Variants in SCHIP1 observed in about 807,000 individuals in gnomAD.
SCHIP1 encodes the protein schwannomin interacting protein 1.
A neutral mutation model predicts 29.7 loss-of-function variants in SCHIP1; 8 were observed. The observed-to-expected ratio is 0.27, with a 90% confidence interval of 0.16 to 0.49. The LOEUF is 0.49. Ranked by LOEUF, SCHIP1 falls within the 20% of genes least tolerant of loss-of-function variation. SCHIP1 has a pLI of 0.99. For synonymous variants in SCHIP1, 76 were observed against 94.9 expected (o/e 0.80, Z 1.16); for missense variants, 193 against 294.6 (o/e 0.66, Z 2.52).
At chr3:159,356,059 T>A in the SCHIP1 span, among the ~76,000 whole-genome samples, 129,127 of 152,012 alleles carry the variant, frequency 0.85, 55,474 homozygotes, top group African/African-American at 0.96. Context: ...CACCACACTG[T>A]CTTCCACAAT....
chr3:159,438,043 G>A, the SCHIP1 span, among the ~76,000 whole-genome samples: 5 of 152,114 alleles, frequency 3.3e-5, no homozygotes, highest in African/African-American at 1.2e-4. Context: ...TATATGTAAA[G>A]TGCTTATACA....
chr3:159,379,484 A>G, the SCHIP1 span, among the ~76,000 whole-genome samples: 1 of 152,172 alleles, frequency 6.6e-6, no homozygotes, highest in African/African-American at 2.4e-5. Context: ...TGGCCTCCCA[A>G]AGTGCTGGGA....
At chr3:159,745,846 T>G in the SCHIP1 span, among the ~76,000 whole-genome samples, 1 of 152,176 alleles carries the variant, frequency 6.6e-6, no homozygotes, top group East Asian at 1.9e-4. Flanking sequence ...TATTAGAGAG[T>G]AGATTTTGCC....
the SCHIP1 span, among the ~76,000 whole-genome samples, chr3:159,367,281 G>C: frequency 3.9e-5 from 6 of 151,948 alleles, no homozygotes; most frequent in African/African-American, 1.2e-4. Flanking sequence ...AATCCCAGCT[G>C]CTCGGGAGGC....
At chr3:159,540,065 T>C in the SCHIP1 span, among the ~76,000 whole-genome samples, 1 of 152,014 alleles carries the variant, frequency 6.6e-6, no homozygotes, top group Non-Finnish European at 1.5e-5. Context: ...TTTCTCCCAT[T>C]ACCTCTCCCT....
At chr3:159,299,202 A>G in the SCHIP1 span, among the ~76,000 whole-genome samples, 9 of 152,328 alleles carry the variant, frequency 5.9e-5, no homozygotes, top group East Asian at 3.9e-4. Context: ...GACTGAGTAT[A>G]TGGGTGTGTA....
At chr3:159,765,122 G>A in the SCHIP1 span, 12 of 1,566,778 alleles carry the variant, frequency 7.7e-6, no homozygotes, top group South Asian at 4.7e-5. Flanking sequence ...GGCCAGGCGA[G>A]GACCAACTCC....
chr3:159,704,417 T>TAAAAAAAAAAAAAAAAAAAAA, the SCHIP1 span, among the ~76,000 whole-genome samples: 2 of 92,642 alleles, frequency 2.2e-5, no homozygotes, highest in African/African-American at 8.2e-5. Flanking sequence ...CAATTTTTTC[T>TAAAAAAAAAAAAAAAAAAAAA]AAAAAAAAAA....
At chr3:159,690,275 T>G in the SCHIP1 span, among the ~76,000 whole-genome samples, 1 of 152,182 alleles carries the variant, frequency 6.6e-6, no homozygotes, top group Admixed American at 6.5e-5. Flanking sequence ...ATTTCAGAAC[T>G]TGTTATTGGT....
At chr3:159,709,320 T>C in the SCHIP1 span, among the ~76,000 whole-genome samples, 1 of 152,066 alleles carries the variant, frequency 6.6e-6, no homozygotes, top group African/African-American at 2.4e-5. Flanking sequence ...ATCTTAGCTG[T>C]GATATTGTTC....
chr3:159,767,110 G>A, the SCHIP1 span, among the ~76,000 whole-genome samples: 6 of 152,184 alleles, frequency 3.9e-5, no homozygotes, highest in African/African-American at 7.2e-5. Flanking sequence ...AAGGGAGAAG[G>A]AGGTAGCATT....
chr3:159,639,880 T>C, the SCHIP1 span, among the ~76,000 whole-genome samples: 6 of 152,318 alleles, frequency 3.9e-5, no homozygotes, highest in South Asian at 4.1e-4. Context: ...AATAGGACAC[T>C]ACCTCTTAAC....
upstream of SCHIP1, among the ~76,000 whole-genome samples, chr3:159,838,666 G>A (rs975571086): frequency 6.6e-5 from 10 of 152,086 alleles, no homozygotes; most frequent in African/African-American, 2.4e-4. Context: ...CGAGGCAGGC[G>A]GATCACAAGG....
intron 1 of SCHIP1, among the ~76,000 whole-genome samples, chr3:159,847,778 T>C (rs753873965): frequency 2.9e-4 from 44 of 152,236 alleles, no homozygotes; most frequent in Non-Finnish European, 6.0e-4. Flanking sequence ...ATTATTTTAA[T>C]TTTTTAAAAA....
chr3:159,556,007 G>A, the SCHIP1 span, among the ~76,000 whole-genome samples: 1 of 152,096 alleles, frequency 6.6e-6, no homozygotes, highest in Non-Finnish European at 1.5e-5. Context: ...AATGGCACGT[G>A]TATACCTATG....
At chr3:159,553,581 T>C in the SCHIP1 span, among the ~76,000 whole-genome samples, 2 of 152,204 alleles carry the variant, frequency 1.3e-5, no homozygotes, top group African/African-American at 4.8e-5. Flanking sequence ...CTTTTCCTGC[T>C]CTCAACGTTA....
the SCHIP1 span, among the ~76,000 whole-genome samples, chr3:159,760,238 G>A: frequency 2.0e-5 from 3 of 152,176 alleles, no homozygotes; most frequent in African/African-American, 7.2e-5. Flanking sequence ...GAGCAAAGGG[G>A]AACAGCTGTT....
At chr3:159,398,099 C>G in the SCHIP1 span, among the ~76,000 whole-genome samples, 2 of 152,204 alleles carry the variant, frequency 1.3e-5, no homozygotes, top group Non-Finnish European at 2.9e-5. Flanking sequence ...CAGGTGCCAT[C>G]TGTCACCCCT....
At chr3:159,820,763 A>G in the SCHIP1 span, among the ~76,000 whole-genome samples, 1 of 152,178 alleles carries the variant, frequency 6.6e-6, no homozygotes, top group Admixed American at 6.5e-5. Flanking sequence ...TGGAGTTCAG[A>G]AGAAGGTCTA....
Sources: allele counts gnomAD v4.1 joint callset (sites outside exome capture counted in the v4.1 genomes callset), GRCh38; gene constraint gnomAD v4.1.1; transcripts MANE v1.5; gene names NCBI Gene and HGNC (gene_info 2026-07-23, HGNC 2026-07-21).